CFAP61: variants seen among roughly 807,000 people sequenced by gnomAD.
CFAP61 encodes cilia- and flagella-associated protein 61.
In CFAP61, 107 loss-of-function variants were observed where a neutral mutation model predicts 135.6. The observed-to-expected ratio is 0.79, with a 90% confidence interval of 0.67 to 0.93. The LOEUF (loss-of-function observed/expected upper bound fraction) is 0.93, where lower values mean the gene tolerates loss of function less well. CFAP61 is among the 40% of genes least tolerant of loss of function. The probability of loss-of-function intolerance (pLI) is 0.00; values close to 1 mark genes in which losing one functional copy is unlikely to be tolerated. For missense variants in CFAP61, 1,507 were observed against 1,556.2 expected, an observed-to-expected ratio of 0.97 and a Z score of 0.53; for synonymous variants, 575 against 578.5, an observed-to-expected ratio of 0.99 and a Z score of 0.09.
chr20:20,276,498 A>G (rs6106214), intron 21 of CFAP61, among the ~76,000 whole-genome samples: 1,915 of 152,380 alleles, frequency 0.013, 43 homozygotes, highest in African/African-American at 0.043. Context: ...TGTAAATAGT[A>G]TAGACTATTT....
intron 8 of CFAP61, among the ~76,000 whole-genome samples, chr20:20,131,005 A>G (rs888569303): frequency 2.0e-5 from 3 of 151,872 alleles, no homozygotes; most frequent in African/African-American, 4.9e-5. Context: ...TGTCCACCTC[A>G]ATATCAGTTT....
In CFAP61 at chr20:20,360,550, T is replaced by C; in HGVS notation, c.*140T>C. ...GGTTTTGTTCATTCCTTTCCTTCCCTGACTTATGCCTGTAGTTTTCTATCA... is the reference window on the plus strand; with the variant it reads ...GGTTTTGTTCATTCCTTTCCTTCCCCGACTTATGCCTGTAGTTTTCTATCA... On this transcript the variant is annotated 3_prime_UTR_variant, in exon 27 of 27. Transcript: ENST00000245957. The C allele has an allele frequency of 1.5e-6, 1 of 676,950 alleles. No individual in the cohort carries two copies. The highest frequency in any genetic ancestry group is 2.5e-6 in the Non-Finnish European group (1 of 399,348). 41.9% of individuals were successfully genotyped at this position (676,950 alleles called of 1,614,324 possible).
intron 25 of CFAP61, among the ~76,000 whole-genome samples, chr20:20,312,342 A>G (rs2056882287): frequency 6.6e-6 from 1 of 152,240 alleles, no homozygotes; most frequent in Non-Finnish European, 1.5e-5. Flanking sequence ...TCAAACTTTT[A>G]GAGATGAAAA....
intron 20 of CFAP61, chr20:20,259,606 C>T (rs1340315271): frequency 1.3e-5 from 2 of 151,922 alleles, no homozygotes; most frequent in African/African-American, 2.4e-5. Flanking sequence ...TTTCCATTCT[C>T]AGCATCTCAA....
chr20:20,337,887 C>G (rs1395711414), intron 25 of CFAP61, among the ~76,000 whole-genome samples: 1 of 152,092 alleles, frequency 6.6e-6, no homozygotes, highest in African/African-American at 2.4e-5. Context: ...AAAGCAAGGA[C>G]GAACCACGGA....
intron 18 of CFAP61, among the ~76,000 whole-genome samples, chr20:20,245,296 A>G (rs1205031630): frequency 6.6e-6 from 1 of 152,184 alleles, no homozygotes; most frequent in East Asian, 1.9e-4. Flanking sequence ...AGACTGGGCA[A>G]TTTACAAAAG....
chr20:20,154,058 A>G (rs2052675744), intron 9 of CFAP61, among the ~76,000 whole-genome samples: 1 of 152,168 alleles, frequency 6.6e-6, no homozygotes, highest in Non-Finnish European at 1.5e-5. Flanking sequence ...TAACATATAC[A>G]AGTTAATAAA....
At chr20:20,322,775 A>G in intron 25 of CFAP61, 3 of 985,370 alleles carry the variant, frequency 3.0e-6, no homozygotes, top group Non-Finnish European at 3.6e-6. Context: ...TTGCCTAGCA[A>G]CCTGTGAATG....
At position 20,323,419 on chromosome 20, in the gene CFAP61, A is replaced by T. The variant is rs115270314; in HGVS notation, c.3423-18412A>T. Reference sequence around the variant, plus strand: ...AACCAAATAATAGACCCATCTCTTAAAAAAGAGAATTCTCTTCCCAAGAGT... The same window carrying T: ...AACCAAATAATAGACCCATCTCTTATAAAAGAGAATTCTCTTCCCAAGAGT... On this transcript the variant is annotated intron_variant, in intron 25 of 26. Transcript: ENST00000245957. 1,644 of 481,334 alleles carry T rather than the reference A, an allele frequency of 3.4e-3. 27 individuals carry two copies. Among genetic ancestry groups the T allele is most frequent in the African/African-American group, 0.033 (1,568 of 47,542 alleles). The allele number at this position is 481,334 out of a possible 1,614,324, so 29.8% of individuals were successfully genotyped here. A position where few individuals can be genotyped will look rare whatever the true frequency, so the allele number is the denominator to read the frequency against.
chr20:20,053,535 G>C (rs2043948468), intron 1 of CFAP61, among the ~76,000 whole-genome samples: 1 of 152,162 alleles, frequency 6.6e-6, no homozygotes, highest in African/African-American at 2.4e-5. Context: ...CATTTGTTAG[G>C]ATAATTTCCA....
At chr20:20,142,833 A>G (rs749885434) in intron 8 of CFAP61, 24 bp from the exon 9 acceptor site, 1 of 1,380,496 alleles carries the variant, frequency 7.2e-7, no homozygotes, top group Non-Finnish European at 1.0e-6. Context: ...ATTTTCTGTC[A>G]TTATTCTATC....
At chr20:20,139,058 CA>C (rs1379460651) in intron 8 of CFAP61, among the ~76,000 whole-genome samples, 1 of 152,122 alleles carries the variant, frequency 6.6e-6, no homozygotes, top group Non-Finnish European at 1.5e-5. Context: ...TTTATTTCAT[CA>C]CACAAAAATT....
At position 20,336,023 on chromosome 20, in the gene CFAP61, G is replaced by T. The variant is rs532381879; in HGVS notation, c.3423-5808G>T. Among the ~76,000 whole-genome samples, 52 of 152,290 alleles carry T rather than the reference G, an allele frequency of 3.4e-4. 1 individual carries two copies. The highest frequency in any genetic ancestry group is 1.2e-3 in the African/African-American group (51 of 41,558). On this transcript the variant is annotated intron_variant, in intron 25 of 26. Transcript: ENST00000245957. ...ATGGGCCAGCATGTCCCACTTTCTA[G>T]GATTAGAATTAGGATGAAATGAGAT...
intron 25 of CFAP61, among the ~76,000 whole-genome samples, chr20:20,323,736 A>G (rs964886498): frequency 1.3e-5 from 2 of 152,250 alleles, no homozygotes; most frequent in African/African-American, 4.8e-5. Context: ...GCAGAGCCCA[A>G]CATGGGGGTT....
intron 25 of CFAP61, among the ~76,000 whole-genome samples, chr20:20,323,680 T>A (rs947991256): frequency 4.6e-5 from 7 of 152,236 alleles, no homozygotes; most frequent in Admixed American, 6.5e-5. Flanking sequence ...GAGGTTTTTT[T>A]AAATAAAGTC....
intron 9 of CFAP61, among the ~76,000 whole-genome samples, chr20:20,157,881 AC>A (rs1447650741): frequency 1.3e-5 from 2 of 152,212 alleles, no homozygotes; most frequent in African/African-American, 2.4e-5. Flanking sequence ...CTGACAGAGG[AC>A]TTGTTTCTAC....
intron 26 of CFAP61, among the ~76,000 whole-genome samples, chr20:20,353,250 A>G (rs925819712): frequency 1.3e-5 from 2 of 152,170 alleles, no homozygotes; most frequent in Non-Finnish European, 2.9e-5. Flanking sequence ...GAGTTCAAAG[A>G]TCAGAAAAAA....
chr20:20,351,301 C>T (rs376312741), intron 26 of CFAP61, among the ~76,000 whole-genome samples: 6 of 152,258 alleles, frequency 3.9e-5, no homozygotes, highest in African/African-American at 1.4e-4. Context: ...GTAGTGTTGG[C>T]TAGGCATGGT....
rs2052945544 is a variant in CFAP61, at chr20:20,268,134, T to A, written c.2503+5004T>A. ...GAATGTGGACAGTTTTCATCATAGTTTATTTTTACTCCCTCAGTGCTAATT... is the reference window on the plus strand; with the variant it reads ...GAATGTGGACAGTTTTCATCATAGTATATTTTTACTCCCTCAGTGCTAATT... On this transcript the variant is annotated intron_variant, in intron 21 of 26. Transcript: ENST00000245957. Among the ~76,000 whole-genome samples the A allele has an allele frequency of 2.6e-5, 4 of 152,362 alleles. No individual in the cohort carries two copies. The South Asian group carries it at 8.3e-4, about 32-fold the overall frequency.
Sources: gnomAD v4.1 joint callset for allele counts (sites outside exome capture counted in the v4.1 genomes callset) on GRCh38, gnomAD v4.1.1 for gene constraint, MANE v1.5 for transcripts, NCBI Gene and HGNC (gene_info 2026-07-23, HGNC 2026-07-21) for gene names.